IL1RAPL1: variants seen among roughly 807,000 people sequenced by gnomAD.
IL1RAPL1 encodes the protein interleukin-1 receptor accessory protein-like 1.
In IL1RAPL1, 3 loss-of-function variants were observed where a neutral mutation model predicts 48.4. The observed-to-expected ratio is 0.06, with a 90% CI of 0.03 to 0.16. The LOEUF (loss-of-function observed/expected upper bound fraction) is 0.16, where lower values mean the gene tolerates loss of function less well. Among genes scored for constraint, IL1RAPL1 ranks in the 10% least tolerant of loss-of-function variants. The pLI, the probability that IL1RAPL1 is intolerant of heterozygous loss-of-function variation, is 1.00. For missense variants in IL1RAPL1, 349 were observed against 530.6 expected (o/e 0.66, Z 3.36); for synonymous variants, 185 against 187.7 (o/e 0.99, Z 0.12).
chrX:29,881,910 A>T (rs1246978257), intron 6 of IL1RAPL1, among the ~76,000 whole-genome samples: 1 of 111,674 alleles, frequency 9.0e-6, no homozygotes, highest in Non-Finnish European at 1.9e-5. Context: ...GGTAGTTGGA[A>T]CCTCATGATC....
chrX:28,836,474 G>T (rs933851016), intron 2 of IL1RAPL1, among the ~76,000 whole-genome samples: 1 of 107,239 alleles, frequency 9.3e-6, no homozygotes, highest in Admixed American at 1.0e-4. Flanking sequence ...GAATTACAGG[G>T]TGTTAACTCA....
chrX:29,365,341 T>C (rs1398026623), intron 3 of IL1RAPL1, among the ~76,000 whole-genome samples: 1 of 112,088 alleles, frequency 8.9e-6, no homozygotes, highest in East Asian at 2.8e-4. Context: ...CAAATCCGGA[T>C]CAAGAAAGAT....
At chrX:29,666,094 T>G (rs1237327329) in intron 5 of IL1RAPL1, among the ~76,000 whole-genome samples, 1 of 111,429 alleles carries the variant, frequency 9.0e-6, no homozygotes, top group Non-Finnish European at 1.9e-5. Flanking sequence ...CCAGTTTTTT[T>G]TTAAGTTATT....
At chrX:29,678,418 G>C (rs1267529727) in intron 6 of IL1RAPL1, among the ~76,000 whole-genome samples, 1 of 91,295 alleles carries the variant, frequency 1.1e-5, no homozygotes, top group Non-Finnish European at 2.1e-5. Flanking sequence ...GCAGTGGCGC[G>C]ATCTCGGCTC....
At chrX:29,260,041 A>G (rs1033773363) in intron 2 of IL1RAPL1, among the ~76,000 whole-genome samples, 8 of 112,304 alleles carry the variant, frequency 7.1e-5, no homozygotes, top group African/African-American at 2.3e-4. Flanking sequence ...ATTCTACAAG[A>G]TATAACTAGA....
chrX:29,037,603 A>G (rs780320303), intron 2 of IL1RAPL1, among the ~76,000 whole-genome samples: 122 of 112,125 alleles, frequency 1.1e-3, no homozygotes, highest in African/African-American at 3.8e-3. Flanking sequence ...ATGTGTGTTC[A>G]AAATGAAGGA....
In IL1RAPL1 at chrX:29,272,523, C is replaced by T. The variant is rs181592255; in HGVS notation, c.83-10415C>T. Among the ~76,000 whole-genome samples, 269 of 111,576 alleles carry T rather than the reference C, an allele frequency of 2.4e-3. 2 individuals are homozygous for T. The highest frequency in any genetic ancestry group is 8.2e-3 in the African/African-American group (253 of 30,763). ...TGTAGGGTTTTTGCTGAAAGGTCTACTGTTAGCCTCACGGGGTTCCTTTGT... is the reference window on the plus strand; with the variant it reads ...TGTAGGGTTTTTGCTGAAAGGTCTATTGTTAGCCTCACGGGGTTCCTTTGT... On this transcript the variant is annotated intron_variant, in intron 2 of 10. Coordinates refer to ENST00000378993, the MANE Select transcript of IL1RAPL1 (RefSeq NM_014271.4).
intron 2 of IL1RAPL1, among the ~76,000 whole-genome samples, chrX:29,271,847 G>C (rs1196506910): frequency 9.0e-6 from 1 of 111,586 alleles, no homozygotes; most frequent in Non-Finnish European, 1.9e-5. Context: ...TTTGGTTTTT[G>C]CTTTTTGTTT....
chrX:28,865,267 G>A (rs930083907), intron 2 of IL1RAPL1, among the ~76,000 whole-genome samples: 1 of 110,256 alleles, frequency 9.1e-6, no homozygotes, highest in African/African-American at 3.3e-5. Context: ...ATGAAACCTC[G>A]TCTCTACTAA....
chrX:29,508,155 T>G (rs949909625), intron 5 of IL1RAPL1, among the ~76,000 whole-genome samples: 1 of 111,783 alleles, frequency 8.9e-6, no homozygotes, highest in South Asian at 3.7e-4. Flanking sequence ...CTATAGAAAG[T>G]ATGTCAAGTG....
At chrX:29,673,651 T>G (rs1367665381) in intron 6 of IL1RAPL1, among the ~76,000 whole-genome samples, 1 of 112,187 alleles carries the variant, frequency 8.9e-6, no homozygotes, top group Admixed American at 9.5e-5. Context: ...TTCTAGTGCC[T>G]GAAATAAACC....
intron 6 of IL1RAPL1, among the ~76,000 whole-genome samples, chrX:29,739,908 A>C (rs1312190071): frequency 9.2e-6 from 1 of 109,279 alleles, no homozygotes; most frequent in African/African-American, 3.3e-5. Flanking sequence ...AAAATACAAA[A>C]AATTAGCTGG....
intron 2 of IL1RAPL1, among the ~76,000 whole-genome samples, chrX:29,017,729 T>A (rs1926273386): frequency 8.9e-6 from 1 of 111,977 alleles, no homozygotes; most frequent in South Asian, 3.7e-4. Context: ...ATGGACAGAA[T>A]TGATGTTTGA....
chrX:29,510,792 A>G (rs1188556497), intron 5 of IL1RAPL1, among the ~76,000 whole-genome samples: 1 of 111,647 alleles, frequency 9.0e-6, no homozygotes, highest in Non-Finnish European at 1.9e-5. Flanking sequence ...CTTATCCTAC[A>G]TATTTCCAGA....
intron 5 of IL1RAPL1, among the ~76,000 whole-genome samples, chrX:29,512,552 T>C (rs5927669): frequency 0.44 from 48,267 of 110,203 alleles, 7,746 homozygotes; most frequent in East Asian, 0.7. Context: ...GTACTGTTGC[T>C]GAGGTTGTTT....
chrX:29,643,441 G>T (rs945153003), intron 5 of IL1RAPL1, among the ~76,000 whole-genome samples: 2 of 112,135 alleles, frequency 1.8e-5, no homozygotes, highest in African/African-American at 3.2e-5. Flanking sequence ...ATTAGCTATT[G>T]TTTATAGCAC....
chrX:29,227,317 A>T (rs915523892), intron 2 of IL1RAPL1, among the ~76,000 whole-genome samples: 6 of 111,401 alleles, frequency 5.4e-5, no homozygotes, highest in Admixed American at 3.8e-4. Context: ...TTCAAAAAAA[A>T]AAAGCTAAAA....
chrX:28,950,801 T>C (rs1314666002), intron 2 of IL1RAPL1, among the ~76,000 whole-genome samples: 1 of 107,482 alleles, frequency 9.3e-6, no homozygotes, highest in Non-Finnish European at 1.9e-5. Flanking sequence ...TAAATCATGC[T>C]GCTATAAAGA....
chrX:29,559,426 T>C (rs1429615228), intron 5 of IL1RAPL1, among the ~76,000 whole-genome samples: 1 of 112,093 alleles, frequency 8.9e-6, no homozygotes, highest in African/African-American at 3.2e-5. Context: ...AAAAGTTTGG[T>C]AGAATTCCGC....
Sources: allele counts gnomAD v4.1 joint callset (sites outside exome capture counted in the v4.1 genomes callset), GRCh38; gene constraint gnomAD v4.1.1; transcripts MANE v1.5; gene names NCBI Gene and HGNC (gene_info 2026-07-23, HGNC 2026-07-21).